Variants in VPS8 observed in about 807,000 individuals in gnomAD.
VPS8 encodes VPS8 subunit of CORVET complex, also known as vacuolar protein sorting-associated protein 8 homolog.
In VPS8, 129 loss-of-function variants were observed where a neutral mutation model predicts 216.4. The observed-to-expected ratio is 0.60, with a 90% CI of 0.52 to 0.69. The LOEUF is 0.69. Among genes scored for constraint, VPS8 ranks in the 30% least tolerant of loss-of-function variants. VPS8 has a pLI of 0.00. For synonymous variants in VPS8, 571 were observed against 565.4 expected, an observed-to-expected ratio of 1.01 and a Z score of -0.14; for missense variants, 1,531 against 1,683.5, an observed-to-expected ratio of 0.91 and a Z score of 1.59.
At chr3:184,856,232 G>A (rs962630332) in intron 14 of VPS8, among the ~76,000 whole-genome samples, 1 of 152,212 alleles carries the variant, frequency 6.6e-6, no homozygotes, top group African/African-American at 2.4e-5. Flanking sequence ...CTTCCACACA[G>A]CTTATAATCT....
Position 184,984,194 on chromosome 3 carries a change from A to AAAAAAAAAAAAAAAAAAATCACCAAG in VPS8, c.3585+1100_3585+1101insAAAAAAAAAAAAAAAAAATCACCAAG. 1.1e-4 allele frequency among the ~76,000 whole-genome samples: 5 copies of AAAAAAAAAAAAAAAAAAATCACCAAG among 46,528 alleles called. 2 individuals are homozygous for AAAAAAAAAAAAAAAAAAATCACCAAG. The highest frequency in any genetic ancestry group is 8.7e-4 in the Admixed American group (2 of 2,300). The allele number at this position is 46,528 out of a possible 152,430, so 30.5% of individuals were successfully genotyped here. A position where few individuals can be genotyped will look rare whatever the true frequency, so the allele number is the denominator to read the frequency against. ...GCGAGACTCCGTCTCAAAAAAAAAAACTCTACTTCCCATCTGATATTAAGC... is the reference window on the plus strand; with the variant it reads ...GCGAGACTCCGTCTCAAAAAAAAAAAAAAAAAAAAAAAAAAAAATCACCAAGCTCTACTTCCCATCTGATATTAAGC... On this transcript the variant is annotated intron_variant, in intron 42 of 47. Coordinates refer to ENST00000625842, the MANE Select transcript of VPS8 (RefSeq NM_001009921.3).
chr3:184,874,094 A>G (rs1045444071), intron 21 of VPS8, among the ~76,000 whole-genome samples: 1 of 151,760 alleles, frequency 6.6e-6, no homozygotes, highest in Non-Finnish European at 1.5e-5. Flanking sequence ...AGTAGAGTGG[A>G]CTTTGGAGAC....
chr3:184,864,430 A>T (rs1726960274), intron 16 of VPS8, among the ~76,000 whole-genome samples: 1 of 152,184 alleles, frequency 6.6e-6, no homozygotes, highest in South Asian at 2.1e-4. Flanking sequence ...ACTATGAAAG[A>T]GTCCCTCTTG....
intron 20 of VPS8, among the ~76,000 whole-genome samples, chr3:184,870,195 A>G (rs189621341): frequency 8.5e-5 from 13 of 152,340 alleles, no homozygotes; most frequent in Admixed American, 4.6e-4. Flanking sequence ...TAATGTTATT[A>G]TTAATTAGCA....
chr3:184,839,022 A>G (rs1389279294), intron 6 of VPS8: 1 of 304,372 alleles, frequency 3.3e-6, no homozygotes. Flanking sequence ...CTGCCCAAGT[A>G]AATTTGCTTC....
chr3:184,953,686 C>T (rs1745107295), intron 36 of VPS8, among the ~76,000 whole-genome samples: 1 of 152,194 alleles, frequency 6.6e-6, no homozygotes, highest in South Asian at 2.1e-4. Context: ...GGGAATCAAA[C>T]ATCTTGTGGC....
In VPS8 at chr3:184,886,161, G is replaced by A; in HGVS notation, c.1781+5G>A. On this transcript the variant is annotated splice_donor_5th_base_variant and intron_variant, in intron 22 of 47. Coordinates refer to ENST00000625842, the MANE Select transcript of VPS8 (RefSeq NM_001009921.3). ...CTGCCTTCTGCTGCAGCGAAAGTGA[G>A]TATGCGTTGCCTGTCACATTCAATT... 1 of 1,605,800 alleles carries A rather than the reference G, an allele frequency of 6.2e-7. No homozygotes were observed. The highest frequency in any genetic ancestry group is 8.5e-7 in the Non-Finnish European group (1 of 1,175,828).
At chr3:184,998,823 G>C (rs1261959982) in intron 44 of VPS8, among the ~76,000 whole-genome samples, 1 of 151,852 alleles carries the variant, frequency 6.6e-6, no homozygotes, top group African/African-American at 2.4e-5. Flanking sequence ...CTTGAATTTG[G>C]TGAGCAGACC....
chr3:184,981,000 G>C (rs1298120563), intron 40 of VPS8, among the ~76,000 whole-genome samples: 1 of 152,092 alleles, frequency 6.6e-6, no homozygotes, highest in East Asian at 1.9e-4. Flanking sequence ...TGTATTCTTT[G>C]ATGCCTTTGA....
intron 29 of VPS8, 44 bp downstream of exon 29, chr3:184,920,242 T>A: frequency 1.6e-6 from 2 of 1,279,662 alleles, no homozygotes; most frequent in Non-Finnish European, 2.1e-6. Flanking sequence ...ATATTTATAT[T>A]AAGATAGTTG....
chr3:184,830,788 C>A (rs1719826070), intron 3 of VPS8, among the ~76,000 whole-genome samples: 1 of 152,148 alleles, frequency 6.6e-6, no homozygotes, highest in Non-Finnish European at 1.5e-5. Flanking sequence ...AGCAATCGTT[C>A]CAATCTTTAT....
intron 44 of VPS8, 70 bp downstream of exon 44, chr3:184,996,571 C>T: frequency 1.3e-6 from 2 of 1,492,304 alleles, no homozygotes; most frequent in South Asian, 1.4e-5. Context: ...CAAGAATCCA[C>T]ATGGATACAC....
chr3:184,881,754 T>C (rs991154703), intron 21 of VPS8, among the ~76,000 whole-genome samples: 3 of 152,142 alleles, frequency 2.0e-5, no homozygotes, highest in Non-Finnish European at 4.4e-5. Context: ...ATGCTGAGTT[T>C]CCTAGTTTTT....
intron 30 of VPS8, among the ~76,000 whole-genome samples, chr3:184,925,772 A>ATTTTTT (rs769693262): frequency 2.5e-5 from 3 of 121,522 alleles, no homozygotes; most frequent in African/African-American, 9.4e-5. Flanking sequence ...TTCTCTCTCT[A>ATTTTTT]TTTTTTTTTT....
At chr3:184,928,931 T>C (rs952309759) in intron 32 of VPS8, among the ~76,000 whole-genome samples, 1 of 152,196 alleles carries the variant, frequency 6.6e-6, no homozygotes, top group Admixed American at 6.5e-5. Context: ...GTATGCTGTA[T>C]TTATATGACA....
intron 8 of VPS8, among the ~76,000 whole-genome samples, chr3:184,848,564 CTTTTTTTTTTTTT>C (rs35715889): frequency 1.3e-4 from 11 of 87,206 alleles, no homozygotes; most frequent in African/African-American, 3.0e-4. Flanking sequence ...TTCCTGTATT[CTTTTTTTTTTTTT>C]TTTTTTTTTG....
intron 45 of VPS8, among the ~76,000 whole-genome samples, chr3:185,014,116 G>A (rs1755436374): frequency 6.6e-6 from 1 of 152,152 alleles, no homozygotes; most frequent in Non-Finnish European, 1.5e-5. Context: ...GGATAAATAT[G>A]CCCAATAAGT....
At chr3:184,884,262 G>A (rs946401155) in intron 21 of VPS8, among the ~76,000 whole-genome samples, 16 of 151,528 alleles carry the variant, frequency 1.1e-4, no homozygotes, top group Admixed American at 4.6e-4. Context: ...GTGGTGTTCC[G>A]CGCCCTGTGT....
chr3:184,907,346 A>G (rs1735680461), intron 25 of VPS8, among the ~76,000 whole-genome samples: 1 of 152,244 alleles, frequency 6.6e-6, no homozygotes, highest in Admixed American at 6.5e-5. Context: ...TGAGCCTCAG[A>G]GGGATGACTT....
Sources: gnomAD v4.1 joint callset for allele counts (sites outside exome capture counted in the v4.1 genomes callset) on GRCh38, gnomAD v4.1.1 for gene constraint, MANE v1.5 for transcripts, NCBI Gene and HGNC (gene_info 2026-07-23, HGNC 2026-07-21) for gene names.